MGAM2: variants seen among roughly 807,000 people sequenced by gnomAD.
The protein encoded by MGAM2 is probable maltase-glucoamylase 2.
In MGAM2, 98 loss-of-function variants were observed where a neutral mutation model predicts 96.1. The ratio of observed to expected loss-of-function variants is 1.02; its 90% CI spans 0.87 to 1.21. MGAM2 has a LOEUF of 1.21. Ranked by LOEUF, MGAM2 falls within the 50% of genes most tolerant of loss-of-function variation. The pLI is 0.00. For missense variants in MGAM2, 2,055 were observed against 1,182.4 expected, an observed-to-expected ratio of 1.74 and a Z score of -10.82; for synonymous variants, 749 against 414.8, an observed-to-expected ratio of 1.81 and a Z score of -9.79.
chr7:142,131,467 A>C (rs1411958636), intron 4 of MGAM2, 51 bp from the exon 5 acceptor site: 2 of 688,952 alleles, frequency 2.9e-6, no homozygotes, highest in Non-Finnish European at 5.3e-6. Context: ...ACAAAACCAA[A>C]CACTAAAAGT....
chr7:142,198,026 T>G (rs923483673), intron 42 of MGAM2, 113 bp from the exon 43 acceptor site: 2 of 611,438 alleles, frequency 3.3e-6, no homozygotes, highest in Non-Finnish European at 5.9e-6. Context: ...CTCAAATTAT[T>G]GCAATCACTA....
At position 142,197,521 on chromosome 7, in the gene MGAM2, G is replaced by T. The variant is rs1411249251; in HGVS notation, c.4754G>T (p.Ser1585Ile). The part of the protein sequence containing the change: ...TLMHKAHVEG[S>I]TVVRPLLHEF... ...ATGCATAAAGCTCACGTTGAGGGCA[G>T]CACAGTTGTCCGGCCCCTTCTCCAT... The change falls in exon 41 of 48, where the codon AGC (serine) becomes ATC (isoleucine). Residue 1585 changes from serine to isoleucine, a missense_variant. By Grantham distance (142) the Ser-to-Ile change is moderately radical. Coordinates refer to ENST00000477922, the MANE Select transcript of MGAM2 (RefSeq NM_001293626.2). The T allele has an allele frequency of 4.3e-6, 3 of 703,086 alleles. No individual in the cohort carries two copies. The African/African-American group carries it at 5.2e-5, about 12-fold the overall frequency. The allele number at this position is 703,086 out of a possible 1,614,324, so 43.6% of individuals were successfully genotyped here. A position where few individuals can be genotyped will look rare whatever the true frequency, so the allele number is the denominator to read the frequency against.
chr7:142,149,754 G>C (rs376422733), intron 15 of MGAM2, among the ~76,000 whole-genome samples: 1 of 151,662 alleles, frequency 6.6e-6, no homozygotes, highest in Non-Finnish European at 1.5e-5. Flanking sequence ...CGTTAGCCAG[G>C]ATGGTCTCCA....
chr7:142,216,885 A>G (rs960470643), intron 46 of MGAM2, among the ~76,000 whole-genome samples: 4 of 152,172 alleles, frequency 2.6e-5, no homozygotes, highest in African/African-American at 9.7e-5. Context: ...TATTGCATGT[A>G]ATCTTCAAAA....
Position 142,220,286 on chromosome 7 carries a change from A to G in MGAM2, c.5775A>G (p.Pro1925=). The change falls in exon 48 of 48, where the codon CCA becomes CCG. Residue 1925 remains proline (P), a synonymous_variant. Transcript: ENST00000477922. ...TTCCCAATACAACTGCCCCTTTCCCAACAAATGCTAGTACTGCTAGCACTA... is the reference window on the plus strand; with the variant it reads ...TTCCCAATACAACTGCCCCTTTCCCGACAAATGCTAGTACTGCTAGCACTA... ...ATVPNTTAPF[P]TNASTASTNA... 4.3e-6 allele frequency: 3 copies of G among 700,764 alleles called. No individual in the cohort carries two copies. The highest frequency in any genetic ancestry group is 7.8e-6 in the Non-Finnish European group (3 of 384,316). 43.4% of individuals were successfully genotyped at this position (700,764 alleles called of 1,614,324 possible). A position where few individuals can be genotyped will look rare whatever the true frequency, so the allele number is the denominator to read the frequency against.
intron 45 of MGAM2, among the ~76,000 whole-genome samples, chr7:142,207,767 A>C (rs753349318): frequency 2.6e-4 from 40 of 152,176 alleles, no homozygotes; most frequent in Non-Finnish European, 4.0e-4. Context: ...GGTAATAAAA[A>C]GGAGATGCGG....
At chr7:142,134,915 C>T (rs1336563799) in intron 7 of MGAM2, among the ~76,000 whole-genome samples, 1 of 152,088 alleles carries the variant, frequency 6.6e-6, no homozygotes, top group Non-Finnish European at 1.5e-5. Context: ...TAAAATATTA[C>T]CCTTTTCAAT....
At chr7:142,175,191 T>G (rs1796334512) in intron 31 of MGAM2, among the ~76,000 whole-genome samples, 1 of 152,174 alleles carries the variant, frequency 6.6e-6, no homozygotes, top group Admixed American at 6.5e-5. Flanking sequence ...TGGCTCTTAT[T>G]ATTGTGAGAT....
Position 142,221,247 on chromosome 7 carries a change from T to C in MGAM2, c.6736T>C (p.Ser2246Pro). 1 of 699,578 alleles carries C rather than the reference T, an allele frequency of 1.4e-6. No homozygotes were observed. The highest frequency in any genetic ancestry group is 2.6e-6 in the Non-Finnish European group (1 of 382,888). 43.3% of individuals were successfully genotyped at this position (699,578 alleles called of 1,614,324 possible). A position where few individuals can be genotyped will look rare whatever the true frequency, so the allele number is the denominator to read the frequency against. Residue 2246 changes from serine to proline, a missense_variant, in exon 48 of 48, where the codon TCT becomes CCT. Coordinates refer to ENST00000477922, the MANE Select transcript of MGAM2 (RefSeq NM_001293626.2). ...GACAAATTTTCTTTTAGCTACAATG[T>C]CTGCTGGTAATATAACTAGTAATAG... is the stretch of plus-strand genomic sequence containing the variant. ...SMTNFLLATM[S>P]AGNITSNSIS...
chr7:142,119,159 T>G (rs1794474554), intron 2 of MGAM2, among the ~76,000 whole-genome samples: 1 of 152,102 alleles, frequency 6.6e-6, no homozygotes, highest in Non-Finnish European at 1.5e-5. Flanking sequence ...TTTTACATCC[T>G]AAGATAATAC....
intron 46 of MGAM2, among the ~76,000 whole-genome samples, chr7:142,216,619 A>T (rs1384908147): frequency 6.6e-6 from 1 of 152,158 alleles, no homozygotes; most frequent in Non-Finnish European, 1.5e-5. Context: ...CACCATCTTA[A>T]CCAATTTCAA....
chr7:142,149,830 C>T (rs564792533), intron 15 of MGAM2, among the ~76,000 whole-genome samples: 31 of 152,296 alleles, frequency 2.0e-4, no homozygotes, highest in Admixed American at 1.0e-3. Flanking sequence ...CGTGAGCCAC[C>T]GCGCCCGGCC....
chr7:142,177,386 C>T (rs1040603246), intron 32 of MGAM2, among the ~76,000 whole-genome samples: 3 of 152,168 alleles, frequency 2.0e-5, no homozygotes, highest in African/African-American at 7.2e-5. Flanking sequence ...TCTTACAACA[C>T]ATGAGAATTC....
In MGAM2 at chr7:142,208,603, C is replaced by G; in HGVS notation, c.5168C>G (p.Ala1723Gly). ...TATGAAAATGGAAATTATTTTTTGG[C>G]AAACTTTATAGCAGCTCAGGTAAGA... Reference protein sequence around the residue: ...DTYENGNYFLANFIAAQNILQ... With the variant: ...DTYENGNYFLGNFIAAQNILQ... Residue 1723 changes from alanine (A) to glycine (G), a missense_variant, in exon 46 of 48, where the codon GCA becomes GGA. Transcript: ENST00000477922. 1.4e-6 allele frequency: 1 copy of G among 702,748 alleles called. No homozygotes were observed. The highest frequency in any genetic ancestry group is 2.6e-6 in the Non-Finnish European group (1 of 384,870). 43.5% of individuals were successfully genotyped at this position (702,748 alleles called of 1,614,324 possible).
chr7:142,172,794 T>A (rs1355333601), intron 30 of MGAM2, 30 bp downstream of exon 30: 1 of 678,706 alleles, frequency 1.5e-6, no homozygotes, highest in Non-Finnish European at 2.7e-6. Flanking sequence ...ATCAATATAT[T>A]GTCAAATATT....
intron 25 of MGAM2, 146 bp from the exon 26 acceptor site, chr7:142,167,122 A>T: frequency 1.7e-6 from 1 of 572,934 alleles, no homozygotes; most frequent in Non-Finnish European, 3.1e-6. Flanking sequence ...AGGGGTTAGG[A>T]CTTAACATCT....
chr7:142,215,702 G>C (rs1308602671), intron 46 of MGAM2, among the ~76,000 whole-genome samples: 1 of 147,990 alleles, frequency 6.8e-6, no homozygotes, highest in Non-Finnish European at 1.5e-5. Context: ...AGGTTGTGGT[G>C]AGCCGAGATC....
chr7:142,143,714 C>A, intron 12 of MGAM2, 55 bp from the exon 13 acceptor site: 1 of 490,242 alleles, frequency 2.0e-6, no homozygotes, highest in Admixed American at 3.2e-5. Flanking sequence ...CACTGTCGGT[C>A]AAAATGAAAA....
chr7:142,168,591 A>C lies in MGAM2; in HGVS notation c.3027+1105A>C, dbSNP rs1796099009. On this transcript the variant is annotated intron_variant, in intron 26 of 47. Coordinates refer to ENST00000477922, the MANE Select transcript of MGAM2 (RefSeq NM_001293626.2). ...GGCCTCGAGAATCTGCATTTCTAAC[A>C]AGCTCCCAGGTAAGGCTGATGCTGC... 3.3e-5 allele frequency among the ~76,000 whole-genome samples: 5 copies of C among 152,118 alleles called. No homozygotes were observed. The South Asian group carries it at 1.0e-3, about 32-fold the overall frequency.
Sources: allele counts gnomAD v4.1 joint callset (sites outside exome capture counted in the v4.1 genomes callset), GRCh38; gene constraint gnomAD v4.1.1; transcripts MANE v1.5; gene names NCBI Gene and HGNC (gene_info 2026-07-23, HGNC 2026-07-21).